Variants in CAMK2D observed in about 807,000 individuals in gnomAD.
CAMK2D encodes calcium/calmodulin-dependent protein kinase type II subunit delta.
In CAMK2D, 37 loss-of-function variants were observed where a neutral mutation model predicts 84.0. The observed-to-expected ratio is 0.44, with a 90% CI of 0.34 to 0.58. The LOEUF (loss-of-function observed/expected upper bound fraction) is 0.58, where lower values mean the gene tolerates loss of function less well. Among genes scored for constraint, CAMK2D ranks in the 20% least tolerant of loss-of-function variants. The pLI is 0.02. For synonymous variants in CAMK2D, 202 were observed against 212.5 expected (o/e 0.95, Z 0.43); for missense variants, 448 against 652.5 (o/e 0.69, Z 3.41).
chr4:113,512,707 G>A (rs562604947), intron 12 of CAMK2D, among the ~76,000 whole-genome samples: 1 of 152,218 alleles, frequency 6.6e-6, no homozygotes, highest in East Asian at 1.9e-4. Flanking sequence ...CAAGTAGCTG[G>A]GACAACAGGC....
intron 4 of CAMK2D, among the ~76,000 whole-genome samples, chr4:113,596,814 C>G (rs2098928918): frequency 7.0e-6 from 1 of 143,186 alleles, no homozygotes; most frequent in Non-Finnish European, 1.5e-5. Flanking sequence ...TCTTAAGGGT[C>G]CTAGAATTTT....
At chr4:113,676,949 T>G (rs1181379116) in intron 2 of CAMK2D, among the ~76,000 whole-genome samples, 1 of 152,188 alleles carries the variant, frequency 6.6e-6, no homozygotes, top group African/African-American at 2.4e-5. Flanking sequence ...TTCCTGTGCT[T>G]TTCTCCTGTT....
intron 2 of CAMK2D, among the ~76,000 whole-genome samples, chr4:113,693,849 T>G (rs568323067): frequency 5.9e-4 from 90 of 152,276 alleles, no homozygotes; most frequent in African/African-American, 2.0e-3. Flanking sequence ...CTAAATAATA[T>G]TTTCTAATTT....
intron 10 of CAMK2D, among the ~76,000 whole-genome samples, chr4:113,514,492 C>G (rs2098260403): frequency 6.6e-6 from 1 of 152,152 alleles, no homozygotes; most frequent in Non-Finnish European, 1.5e-5. Context: ...TTAATGTCTT[C>G]AATCACATTT....
intron 2 of CAMK2D, among the ~76,000 whole-genome samples, chr4:113,734,364 A>G (rs1323326104): frequency 1.3e-5 from 2 of 152,232 alleles, no homozygotes; most frequent in East Asian, 3.8e-4. Flanking sequence ...ACAAATGGAA[A>G]GGAAGGTCAT....
chr4:113,457,516 G>A lies in CAMK2D; in HGVS notation c.1354C>T (p.His452Tyr), dbSNP rs759437393. ...KPIHTIILNP[H>Y]VHLVGDDAAC... is the part of the protein sequence containing the mutation. The stretch of plus-strand genomic sequence containing the variant: ...GCATCATCCCCTACCAGATGTACAT[G>A]AGGGTTTAGAATAATAGTGTGGATT... Residue 452 changes from histidine to tyrosine, a missense_variant, in exon 19 of 21, where the codon CAT becomes TAT. By Grantham distance (83) the His-to-Tyr change is moderately conservative (BLOSUM62 2). Coordinates refer to ENST00000511664, the MANE Select transcript of CAMK2D (RefSeq NM_001321571.2). 6.2e-7 allele frequency: 1 copy of A among 1,613,506 alleles called. No homozygotes were observed. The highest frequency in any genetic ancestry group is 8.5e-7 in the Non-Finnish European group (1 of 1,179,476).
At chr4:113,687,540 C>T (rs1253440415) in intron 2 of CAMK2D, among the ~76,000 whole-genome samples, 1 of 152,108 alleles carries the variant, frequency 6.6e-6, no homozygotes, top group Admixed American at 6.5e-5. Flanking sequence ...TGCCCTCCAA[C>T]TCGAAATCAA....
intron 3 of CAMK2D, among the ~76,000 whole-genome samples, chr4:113,647,188 AG>A (rs755282049): frequency 1.3e-5 from 2 of 152,198 alleles, no homozygotes; most frequent in Non-Finnish European, 2.9e-5. Flanking sequence ...AGGATTGCCA[AG>A]GTTGCCTAAT....
chr4:113,504,277 A>T (rs975826096), intron 14 of CAMK2D, among the ~76,000 whole-genome samples: 1 of 152,238 alleles, frequency 6.6e-6, no homozygotes, highest in Non-Finnish European at 1.5e-5. Context: ...ACATAATACC[A>T]TCTCAAAGTG....
intron 16 of CAMK2D, among the ~76,000 whole-genome samples, chr4:113,474,498 CTTTTTTTTTTTTTTT>C (rs70961831): frequency 4.5e-5 from 4 of 89,822 alleles, no homozygotes; most frequent in South Asian, 4.0e-4. Context: ...CCTTTTTGGC[CTTTTTTTTTTTTTTT>C]TTTTTTTTTT....
chr4:113,639,808 G>A (rs2099124994), intron 3 of CAMK2D, among the ~76,000 whole-genome samples: 1 of 151,872 alleles, frequency 6.6e-6, no homozygotes, highest in African/African-American at 2.4e-5. Context: ...AAAATATAAA[G>A]GACTTTGCAA....
chr4:113,532,828 C>CTTGA (rs1429485005), intron 7 of CAMK2D, among the ~76,000 whole-genome samples: 1 of 152,082 alleles, frequency 6.6e-6, no homozygotes, highest in Non-Finnish European at 1.5e-5. Context: ...CAGTGTCACC[C>CTTGA]TTGATACTAC....
rs749672940 is a variant in CAMK2D, at chr4:113,457,428, A to C, written c.1442T>G (p.Met481Arg). ...CCACACACGAGTCTCTTCTGACTGC[A>C]TTGTCTTTGGCATTCCACTGCCATC... is the stretch of plus-strand genomic sequence containing the variant. ...YMDGSGMPKT[M>R]QSEETRVWHR... The change falls in exon 19 of 21, where the codon ATG becomes AGG. Residue 481 changes from methionine (M) to arginine (R), a missense_variant. Physicochemically the swap from Met to Arg is moderately conservative, Grantham distance 91. This residue lies in a region of CAMK2D where 219 missense variants were observed against 272.1 expected (regional missense o/e 0.80). Coordinates refer to ENST00000511664, the MANE Select transcript of CAMK2D (RefSeq NM_001321571.2). 1 of 1,613,812 alleles carries C rather than the reference A, an allele frequency of 6.2e-7. No homozygotes were observed. The highest frequency in any genetic ancestry group is 1.7e-5 in the Admixed American group (1 of 59,996).
intron 4 of CAMK2D, among the ~76,000 whole-genome samples, chr4:113,554,942 T>G (rs968082173): frequency 4.0e-5 from 6 of 150,082 alleles, no homozygotes; most frequent in African/African-American, 1.5e-4. Flanking sequence ...TCCAGAACAT[T>G]AGGGCTCACA....
intron 2 of CAMK2D, among the ~76,000 whole-genome samples, chr4:113,684,076 G>A (rs902698548): frequency 6.6e-6 from 1 of 152,170 alleles, no homozygotes; most frequent in African/African-American, 2.4e-5. Context: ...AACAGTGCCT[G>A]GCATATAGGA....
At chr4:113,574,857 C>A (rs903556063) in intron 4 of CAMK2D, among the ~76,000 whole-genome samples, 9 of 152,180 alleles carry the variant, frequency 5.9e-5, no homozygotes, top group African/African-American at 2.2e-4. Flanking sequence ...AAACATTAAT[C>A]CCATAGGCAG....
At chr4:113,565,433 T>C (rs377179833) in intron 4 of CAMK2D, among the ~76,000 whole-genome samples, 133 of 152,110 alleles carry the variant, frequency 8.7e-4, no homozygotes, top group African/African-American at 3.1e-3. Flanking sequence ...GGTGGATCAG[T>C]TGAGGCCAGG....
intron 3 of CAMK2D, among the ~76,000 whole-genome samples, chr4:113,629,913 A>T (rs890148318): frequency 7.2e-6 from 1 of 139,810 alleles, no homozygotes; most frequent in East Asian, 2.0e-4. Context: ...CACAATGTTT[A>T]AAAAAAAAAA....
At position 113,761,699 on chromosome 4, in the gene CAMK2D, A is replaced by C. The variant is rs967163022; in HGVS notation, c.-631T>G. The C allele has an allele frequency of 1.0e-4, 99 of 971,288 alleles. No homozygotes were observed. Among genetic ancestry groups the C allele is most frequent in the Non-Finnish European group, 1.2e-4 (94 of 817,364 alleles). 60.2% of individuals were successfully genotyped at this position (971,288 alleles called of 1,614,324 possible). A position where few individuals can be genotyped will look rare whatever the true frequency, so the allele number is the denominator to read the frequency against. ...GCACCTTGGCGGCCTCGCGCTGCTC[A>C]CGAGCCCGCGCGGCTTCAAGACGGC... is the stretch of plus-strand genomic sequence containing the variant. On this transcript the variant is annotated 5_prime_UTR_variant, in exon 1 of 21. Transcript: ENST00000511664.
Sources: allele counts gnomAD v4.1 joint callset (sites outside exome capture counted in the v4.1 genomes callset), GRCh38; gene constraint gnomAD v4.1.1; regional missense constraint gnomAD v4.1.1; transcripts MANE v1.5; gene names NCBI Gene and HGNC (gene_info 2026-07-23, HGNC 2026-07-21).